Variants in STPG2 observed in about 807,000 individuals in gnomAD.
STPG2 encodes sperm tail PG-rich repeat containing 2.
In STPG2, 56 loss-of-function variants were observed where a neutral mutation model predicts 54.2. The observed-to-expected ratio is 1.03, with a 90% confidence interval of 0.83 to 1.29. The LOEUF (loss-of-function observed/expected upper bound fraction) is 1.29. STPG2 is among the 50% of genes most tolerant of loss of function. The pLI is 0.00. For synonymous variants in STPG2, 200 were observed against 181.8 expected, an observed-to-expected ratio of 1.10 and a Z score of -0.81; for missense variants, 596 against 544.9, an observed-to-expected ratio of 1.09 and a Z score of -0.93.
chr4:98,121,720 AT>A (rs71600247), intron 3 of STPG2, among the ~76,000 whole-genome samples: 59,472 of 150,860 alleles, frequency 0.39, 11,871 homozygotes, highest in Middle Eastern at 0.46. Flanking sequence ...AATGCCTGTG[AT>A]TTTTTTTGTG....
intron 9 of STPG2, among the ~76,000 whole-genome samples, chr4:97,760,905 C>T (rs1725871578): frequency 6.6e-6 from 1 of 152,156 alleles, no homozygotes; most frequent in African/African-American, 2.4e-5. Context: ...ATGCCTTTTC[C>T]AGCTTCTAGA....
intron 5 of STPG2, among the ~76,000 whole-genome samples, chr4:98,063,928 C>T (rs1368588728): frequency 6.6e-6 from 1 of 151,804 alleles, no homozygotes; most frequent in Non-Finnish European, 1.5e-5. Context: ...ACATGGGTAA[C>T]AGAGTGAGAC....
At chr4:98,012,095 T>C (rs1446150953) in intron 5 of STPG2, among the ~76,000 whole-genome samples, 1 of 151,924 alleles carries the variant, frequency 6.6e-6, no homozygotes, top group Non-Finnish European at 1.5e-5. Flanking sequence ...AAGTTTTACA[T>C]TTAAGTGTCT....
chr4:97,991,879 T>A (rs13149516), intron 5 of STPG2, among the ~76,000 whole-genome samples: 39,910 of 152,042 alleles, frequency 0.26, 5,687 homozygotes, highest in Middle Eastern at 0.36. Flanking sequence ...TTTTTTCATA[T>A]GTTTGTTGGC....
intron 3 of STPG2, among the ~76,000 whole-genome samples, chr4:98,110,910 A>C (rs1156380050): frequency 6.6e-6 from 1 of 151,752 alleles, no homozygotes; most frequent in Non-Finnish European, 1.5e-5. Context: ...TAGTGACAAA[A>C]GCATAATTTC....
At chr4:97,862,692 G>A (rs1578633594) in intron 8 of STPG2, among the ~76,000 whole-genome samples, 1 of 152,096 alleles carries the variant, frequency 6.6e-6, no homozygotes, top group Admixed American at 6.5e-5. Context: ...CCACGGAGTT[G>A]GAAGTAAAGC....
intron 8 of STPG2, among the ~76,000 whole-genome samples, chr4:97,906,231 C>T (rs1391746765): frequency 1.3e-5 from 2 of 152,140 alleles, no homozygotes; most frequent in Non-Finnish European, 2.9e-5. Flanking sequence ...GAGAATACTA[C>T]AAACACCTCT....
chr4:97,976,568 A>G (rs1405145444), intron 6 of STPG2, among the ~76,000 whole-genome samples: 1 of 152,090 alleles, frequency 6.6e-6, no homozygotes, highest in Non-Finnish European at 1.5e-5. Context: ...GCTATGGGAG[A>G]GTTAAAAGGT....
intron 9 of STPG2, among the ~76,000 whole-genome samples, chr4:97,739,910 A>T (rs1316611953): frequency 1.3e-5 from 2 of 152,126 alleles, no homozygotes; most frequent in Non-Finnish European, 2.9e-5. Flanking sequence ...GACACAACAA[A>T]AAAAGAGAAT....
At chr4:98,096,726 GACTA>G (rs1265673871) in intron 5 of STPG2, among the ~76,000 whole-genome samples, 3 of 151,984 alleles carry the variant, frequency 2.0e-5, no homozygotes, top group Non-Finnish European at 4.4e-5. Flanking sequence ...CCTTTAGCCA[GACTA>G]ACTATGAAAA....
chr4:97,949,996 A>G (rs1286026953), intron 7 of STPG2, among the ~76,000 whole-genome samples: 1 of 152,120 alleles, frequency 6.6e-6, no homozygotes, highest in Non-Finnish European at 1.5e-5. Context: ...TCCTCAAAAA[A>G]TTATTCTACT....
intron 10 of STPG2, among the ~76,000 whole-genome samples, chr4:97,613,549 TG>T: frequency 6.7e-6 from 1 of 149,926 alleles, no homozygotes; most frequent in East Asian, 2.0e-4. Context: ...TATTAGGGAA[TG>T]GGGGGCATGG....
At position 97,753,313 on chromosome 4, in the gene STPG2, G is replaced by A. The variant is rs999110433; in HGVS notation, c.1205-40499C>T. On this transcript the variant is annotated intron_variant, in intron 9 of 10. Transcript: ENST00000295268. ...AATTTGCCTATTCTAGGTACCTCAC[G>A]CAAGTGGAACTGTACAATACTTGTC... 2.6e-5 allele frequency among the ~76,000 whole-genome samples: 4 copies of A among 151,926 alleles called. No homozygotes were observed. The South Asian group carries it at 6.2e-4, about 24-fold the overall frequency.
intron 9 of STPG2, among the ~76,000 whole-genome samples, chr4:97,779,790 G>C (rs937775392): frequency 6.6e-6 from 1 of 152,178 alleles, no homozygotes; most frequent in Non-Finnish European, 1.5e-5. Flanking sequence ...CGTTCTTAAA[G>C]AAAAGAATTT....
intron 8 of STPG2, among the ~76,000 whole-genome samples, chr4:97,841,539 A>G (rs1228884606): frequency 6.6e-6 from 1 of 151,900 alleles, no homozygotes; most frequent in East Asian, 1.9e-4. Flanking sequence ...AATGCCTTAA[A>G]CAATTAGCTA....
chr4:97,944,408 A>G (rs1733120257), intron 7 of STPG2, among the ~76,000 whole-genome samples: 1 of 151,902 alleles, frequency 6.6e-6, no homozygotes, highest in African/African-American at 2.4e-5. Context: ...TTTTGTGGCA[A>G]TTCTGGGTTA....
At chr4:97,464,993 GA>G (rs1438810609) in intron 4 of STPG2, among the ~76,000 whole-genome samples, 1 of 151,960 alleles carries the variant, frequency 6.6e-6, no homozygotes, top group Non-Finnish European at 1.5e-5. Context: ...ACTTTTTTTG[GA>G]AAAGGTTACA....
At chr4:97,714,868 C>T (rs1724241648) in intron 9 of STPG2, among the ~76,000 whole-genome samples, 1 of 152,112 alleles carries the variant, frequency 6.6e-6, no homozygotes, top group Non-Finnish European at 1.5e-5. Context: ...TATCCAAACA[C>T]TATTGTAACT....
chr4:97,777,734 C>A (rs928380823), intron 9 of STPG2, among the ~76,000 whole-genome samples: 1 of 152,130 alleles, frequency 6.6e-6, no homozygotes, highest in African/African-American at 2.4e-5. Context: ...TTCTAGATTT[C>A]ATTATTTTAG....
Sources: gnomAD v4.1 joint callset for allele counts (sites outside exome capture counted in the v4.1 genomes callset) on GRCh38, gnomAD v4.1.1 for gene constraint, MANE v1.5 for transcripts, NCBI Gene and HGNC (gene_info 2026-07-23, HGNC 2026-07-21) for gene names.